The following PAICS variants were observed in gnomAD, a reference collection of about 807,000 sequenced individuals.
PAICS encodes bifunctional phosphoribosylaminoimidazole carboxylase/phosphoribosylaminoimidazole succinocarboxamide synthetase.
Under a neutral mutation model 53.7 loss-of-function variants are expected in PAICS, and 33 were observed. The ratio of observed to expected loss-of-function variants is 0.61; its 90% confidence interval spans 0.47 to 0.82. The LOEUF is 0.82. Among genes scored for constraint, PAICS ranks in the 40% least tolerant of loss-of-function variants. The pLI, the probability that PAICS is intolerant of heterozygous loss-of-function variation, is 0.00. For synonymous variants in PAICS, 141 were observed against 167.2 expected (o/e 0.84, Z 1.21); for missense variants, 394 against 494.1 (o/e 0.80, Z 1.92).
In PAICS at chr4:56,460,039, AGCACCAT is replaced by A. The variant is rs1295737911; in HGVS notation, c.*504_*510del. On this transcript the variant is annotated 3_prime_UTR_variant, in exon 9 of 9. Transcript: ENST00000512576. ...CGACTAACAGGGACTATAATCTTGC[AGCACCAT>A]GCCGAGCTAATTTTATTTTTTGTAG... is the stretch of plus-strand genomic sequence containing the variant. 6.5e-6 allele frequency: 1 copy of A among 153,124 alleles called. No individual in the cohort carries two copies. The highest frequency in any genetic ancestry group is 1.5e-5 in the Non-Finnish European group (1 of 68,942). 9.5% of individuals were successfully genotyped at this position (153,124 alleles called of 1,614,324 possible).
chr4:56,430,092 A>C, the PAICS span, among the ~76,000 whole-genome samples: 2 of 152,096 alleles, frequency 1.3e-5, no homozygotes, highest in Non-Finnish European at 2.9e-5. Context: ...GAAACCCCCC[A>C]TCTCAATATT....
At chr4:56,437,791 A>ACTGCACTGGCACT (rs1718095232) in intron 1 of PAICS, among the ~76,000 whole-genome samples, 1 of 136,552 alleles carries the variant, frequency 7.3e-6, no homozygotes, top group Non-Finnish European at 1.5e-5. Context: ...ACTGCACTCC[A>ACTGCACTGGCACT]GCCTGGCGAC....
At chr4:56,430,894 G>A (rs922248322), upstream of PAICS, among the ~76,000 whole-genome samples, 15 of 151,978 alleles carry the variant, frequency 9.9e-5, no homozygotes, top group African/African-American at 3.4e-4. Context: ...TGTATGTTAA[G>A]GAGCTCTTCC....
chr4:56,438,478 G>C (rs1427460825), intron 1 of PAICS, among the ~76,000 whole-genome samples: 2 of 150,656 alleles, frequency 1.3e-5, no homozygotes, highest in East Asian at 3.9e-4. Flanking sequence ...GTGTGGCCCA[G>C]GCTGGAGTGC....
Position 56,448,557 on chromosome 4 carries a change from A to G in PAICS, c.533A>G (p.Lys178Arg). The change falls in exon 4 of 9, where the codon AAA (lysine) becomes AGA (arginine). Residue 178 changes from lysine (K) to arginine (R), a missense_variant. Physicochemically the swap from Lys to Arg is conservative, Grantham distance 26 (BLOSUM62 2). Coordinates refer to ENST00000512576, the MANE Select transcript of PAICS (RefSeq NM_001079524.2). ...CAGGCTATATTTGAAATACTGGAGA[A>G]ATCCTGGTTGCCCCAGAATTGTACA... ...ATQAIFEILE[K>R]SWLPQNCTLV... 1 of 1,608,430 alleles carries G rather than the reference A, an allele frequency of 6.2e-7. No homozygotes were observed. Among genetic ancestry groups the G allele is most frequent in the Non-Finnish European group, 8.5e-7 (1 of 1,176,232 alleles).
intron 1 of PAICS, among the ~76,000 whole-genome samples, chr4:56,440,849 G>A (rs1186006209): frequency 1.3e-5 from 2 of 152,184 alleles, no homozygotes; most frequent in Non-Finnish European, 2.9e-5. Context: ...TGAGAGTGTT[G>A]TGGAAGTATG....
chr4:56,439,028 C>G (rs1718197244), intron 1 of PAICS, among the ~76,000 whole-genome samples: 1 of 152,068 alleles, frequency 6.6e-6, no homozygotes, highest in African/African-American at 2.4e-5. Context: ...TTGTAGCAAC[C>G]ATTTTGGTAC....
At chr4:56,435,763 A>C (rs1326530158), upstream of PAICS, 31 of 1,496,414 alleles carry the variant, frequency 2.1e-5, no homozygotes, top group Non-Finnish European at 2.4e-5. Context: ...GCCTTCCCCT[A>C]AGAGCTGCCT....
At chr4:56,433,635 A>C (rs985997175), upstream of PAICS, among the ~76,000 whole-genome samples, 8 of 152,150 alleles carry the variant, frequency 5.3e-5, no homozygotes, top group Non-Finnish European at 8.8e-5. Context: ...ACAGACCACC[A>C]GGCAACCCTA....
rs564804738 is a variant in PAICS at position 56,460,010 on chromosome 4, C to A, written c.*472C>A. The stretch of plus-strand genomic sequence containing the variant: ...GCTCAAGCAGTTCTCCCACCTCAGC[C>A]TCTCGACTAACAGGGACTATAATCT... On this transcript the variant is annotated 3_prime_UTR_variant, in exon 9 of 9. Transcript: ENST00000512576. The A allele has an allele frequency of 6.5e-6, 1 of 154,542 alleles. No homozygotes were observed. The highest frequency in any genetic ancestry group is 1.9e-4 in the East Asian group (1 of 5,244). 9.6% of individuals were successfully genotyped at this position (154,542 alleles called of 1,614,324 possible). A position where few individuals can be genotyped will look rare whatever the true frequency, so the allele number is the denominator to read the frequency against.
At chr4:56,441,892 C>T (rs1046315556) in intron 2 of PAICS, 32 bp downstream of exon 2, 4 of 1,420,564 alleles carry the variant, frequency 2.8e-6, no homozygotes, top group East Asian at 2.4e-5. Flanking sequence ...TCTTCTCTCA[C>T]CTTCTCTGGT....
chr4:56,444,168 A>G (rs1435034777), intron 2 of PAICS, among the ~76,000 whole-genome samples: 2 of 152,172 alleles, frequency 1.3e-5, no homozygotes, highest in African/African-American at 4.8e-5. Context: ...AGGAAAGAGC[A>G]TTGGAATGAG....
the PAICS span, chr4:56,429,102 T>G: frequency 5.5e-6 from 1 of 182,242 alleles, no homozygotes; most frequent in African/African-American, 2.4e-5. Context: ...CTTGATAAAT[T>G]AGACTAAATA....
intron 1 of PAICS, among the ~76,000 whole-genome samples, chr4:56,438,199 C>T (rs1718119810): frequency 6.6e-6 from 1 of 151,766 alleles, no homozygotes; most frequent in Non-Finnish European, 1.5e-5. Context: ...CCTGTGAATC[C>T]TTAGCTATGT....
intron 1 of PAICS, among the ~76,000 whole-genome samples, chr4:56,440,623 A>C (rs145918956): frequency 6.6e-6 from 1 of 152,164 alleles, no homozygotes; most frequent in Admixed American, 6.5e-5. Context: ...TCCTTTGGCT[A>C]AATTTCGATG....
At chr4:56,414,713 T>C in the PAICS span, among the ~76,000 whole-genome samples, 1 of 152,186 alleles carries the variant, frequency 6.6e-6, no homozygotes. Flanking sequence ...GACGTAAATC[T>C]GGACTCTAAA....
chr4:56,444,287 A>G (rs576507121), intron 2 of PAICS, among the ~76,000 whole-genome samples: 3 of 152,330 alleles, frequency 2.0e-5, no homozygotes, highest in East Asian at 3.9e-4. Flanking sequence ...TAACTGTGTT[A>G]TAACTGTGTT....
At chr4:56,448,139 C>G (rs1441964657) in intron 3 of PAICS, among the ~76,000 whole-genome samples, 3 of 151,446 alleles carry the variant, frequency 2.0e-5, no homozygotes, top group Non-Finnish European at 2.9e-5. Flanking sequence ...TCCCAAGTAG[C>G]TGGGATTACA....
At chr4:56,411,250 G>A in the PAICS span, among the ~76,000 whole-genome samples, 4,011 of 152,056 alleles carry the variant, frequency 0.026, 153 homozygotes, top group East Asian at 0.2. Context: ...GTAAATAAGG[G>A]GAAAAATATC....
Sources: gnomAD v4.1 joint callset for allele counts (sites outside exome capture counted in the v4.1 genomes callset) on GRCh38, gnomAD v4.1.1 for gene constraint, MANE v1.5 for transcripts, NCBI Gene and HGNC (gene_info 2026-07-23, HGNC 2026-07-21) for gene names.